Variants in ALG13 observed in about 807,000 individuals in gnomAD.
ALG13 encodes the protein UDP-N-acetylglucosamine transferase subunit ALG13.
Under a neutral mutation model 87.8 loss-of-function variants are expected in ALG13, and 11 were observed. That is an observed-to-expected ratio of 0.13 (90% CI 0.08 to 0.21). The LOEUF (loss-of-function observed/expected upper bound fraction) is 0.21. Ranked by LOEUF, ALG13 falls within the 10% of genes least tolerant of loss-of-function variation. The pLI, the probability that ALG13 is intolerant of heterozygous loss-of-function variation, is 1.00. For missense variants in ALG13, 756 were observed against 866.1 expected, an observed-to-expected ratio of 0.87 and a Z score of 1.60; for synonymous variants, 320 against 306.3, an observed-to-expected ratio of 1.04 and a Z score of -0.47.
intron 6 of ALG13, 114 bp from the exon 7 acceptor site, chrX:111,712,368 TTC>T (rs2148042128): frequency 2.5e-6 from 1 of 406,390 alleles, no homozygotes; most frequent in East Asian, 3.7e-5. Flanking sequence ...TTATAGTGTG[TTC>T]TACAAATTCT....
At position 111,685,117 on chromosome X, in the gene ALG13, T is replaced by C; in HGVS notation, c.383+14T>C. On this transcript the variant is annotated intron_variant, in intron 3 of 26. Coordinates refer to ENST00000394780, the MANE Select transcript of ALG13 (RefSeq NM_001099922.3). ...TTGTACCTGCAGGTATGCTAGAGAC[T>C]GATTATTATTATCTCTTGCCTTAAT... 1 of 1,198,662 alleles carries C rather than the reference T, an allele frequency of 8.3e-7. No individual in the cohort carries two copies. Among genetic ancestry groups the C allele is most frequent in the South Asian group, 1.8e-5 (1 of 54,277 alleles).
At chrX:111,719,473 T>C (rs1014685304) in intron 10 of ALG13, among the ~76,000 whole-genome samples, 2 of 112,523 alleles carry the variant, frequency 1.8e-5, no homozygotes, top group African/African-American at 6.5e-5. Flanking sequence ...GTATTAGTTA[T>C]GTTTTGCTGT....
At chrX:111,741,902 A>G (rs1326520057) in intron 23 of ALG13, among the ~76,000 whole-genome samples, 1 of 111,631 alleles carries the variant, frequency 9.0e-6, no homozygotes, top group Non-Finnish European at 1.9e-5. Context: ...TGGAAATGTT[A>G]ATGTAGACAC....
At chrX:111,757,493 ATT>A (rs75519151) in intron 25 of ALG13, 93 bp from the exon 26 acceptor site, 10,928 of 508,221 alleles carry the variant, frequency 0.022, no homozygotes, top group Non-Finnish European at 0.024. Flanking sequence ...CCCAATTCTT[ATT>A]TTTTTTTTTT....
At chrX:111,735,759 A>G (rs1397672590) in intron 22 of ALG13, among the ~76,000 whole-genome samples, 2 of 111,161 alleles carry the variant, frequency 1.8e-5, no homozygotes, top group East Asian at 5.7e-4. Context: ...CTTTGAATAC[A>G]GTTTCAGAGA....
At chrX:111,681,526 C>T in intron 1 of ALG13, 1 of 979,371 alleles carries the variant, frequency 1.0e-6, no homozygotes, top group Non-Finnish European at 1.3e-6. Context: ...ATTATTCCGG[C>T]CGCTCCTCTC....
intron 25 of ALG13, among the ~76,000 whole-genome samples, chrX:111,756,820 G>C (rs1569523870): frequency 9.0e-6 from 1 of 111,393 alleles, no homozygotes; most frequent in African/African-American, 3.3e-5. Flanking sequence ...AGAGTAATGG[G>C]GTGGGTTTTT....
Position 111,681,194 on chromosome X carries a change from G to A in ALG13, c.-25G>A, listed in dbSNP as rs1035956386. 1.7e-5 allele frequency: 20 copies of A among 1,203,986 alleles called. No individual in the cohort carries two copies. The highest frequency in any genetic ancestry group is 4.6e-4 in the Middle Eastern group (2 of 4,334). ...CAGTTGCGTCATATCCGGCCCTTGC[G>A]ATCAGGGCTTGAGGAACCCGCGCCA... is the stretch of plus-strand genomic sequence containing the variant. On this transcript the variant is annotated 5_prime_UTR_variant, in exon 1 of 27. Coordinates refer to ENST00000394780, the MANE Select transcript of ALG13 (RefSeq NM_001099922.3).
chrX:111,699,906 C>T (rs189892227), intron 3 of ALG13, among the ~76,000 whole-genome samples: 6,388 of 103,493 alleles, frequency 0.062, 471 homozygotes, highest in African/African-American at 0.23. Flanking sequence ...TTTTTTTTTT[C>T]TATTTCGGCA....
At chrX:111,685,323 A>G (rs1934658772) in intron 3 of ALG13, 1 of 358,096 alleles carries the variant, frequency 2.8e-6, no homozygotes. Context: ...TTCTTTGCAT[A>G]TGTGAATATC....
intron 21 of ALG13, among the ~76,000 whole-genome samples, chrX:111,730,911 A>C (rs1233955744): frequency 1.8e-5 from 2 of 112,309 alleles, no homozygotes; most frequent in African/African-American, 6.5e-5. Context: ...TTGCTCAGGT[A>C]CTTAGGCTGA....
intron 3 of ALG13, among the ~76,000 whole-genome samples, chrX:111,703,144 A>G (rs1305105102): frequency 9.1e-6 from 1 of 110,180 alleles, no homozygotes; most frequent in Non-Finnish European, 1.9e-5. Flanking sequence ...CAGTCTCAAT[A>G]TGGATACTCA....
intron 5 of ALG13, among the ~76,000 whole-genome samples, chrX:111,709,999 A>G (rs1458203771): frequency 9.1e-6 from 1 of 109,603 alleles, no homozygotes; most frequent in Non-Finnish European, 1.9e-5. Context: ...GTTTTCATTC[A>G]GTAGGTCTGA....
At position 111,735,131 on chromosome X, in the gene ALG13, C is replaced by T. The variant is rs771372378; in HGVS notation, c.2529+9C>T. ...ACAACTACCCCCAGAAGGTAATCCTCATAGTGTTATTAAGCAGTTACAATG... is the reference window on the plus strand; with the variant it reads ...ACAACTACCCCCAGAAGGTAATCCTTATAGTGTTATTAAGCAGTTACAATG... On this transcript the variant is annotated intron_variant, in intron 22 of 26. Transcript: ENST00000394780. 51 of 1,120,441 alleles carry T rather than the reference C, an allele frequency of 4.6e-5. No individual in the cohort carries two copies. Among genetic ancestry groups the T allele is most frequent in the Non-Finnish European group, 5.7e-5 (47 of 819,413 alleles). The allele number at this position is 1,120,441 out of a possible 1,213,427, so 92.3% of individuals were successfully genotyped here. A position where few individuals can be genotyped will look rare whatever the true frequency, so the allele number is the denominator to read the frequency against.
intron 18 of ALG13, 29 bp downstream of exon 18, chrX:111,727,799 G>A (rs752547781): frequency 8.7e-7 from 1 of 1,144,473 alleles, no homozygotes; most frequent in African/African-American, 1.8e-5. Flanking sequence ...TACTCAAAAA[G>A]CTGTTTACTT....
rs750981888 is a variant in ALG13, at chrX:111,749,009, G to A, written c.2933-3781G>A. On this transcript the variant is annotated intron_variant, in intron 24 of 26. Transcript: ENST00000394780. ...GAGGCCGGAGAATCACTTGAACCCA[G>A]GAGGTGGAGGTTGTACTGAGCCGAG... Among the ~76,000 whole-genome samples, 7 of 110,756 alleles carry A rather than the reference G, an allele frequency of 6.3e-5. No individual in the cohort carries two copies. The South Asian group carries it at 2.7e-3, about 43-fold the overall frequency.
At chrX:111,690,989 A>T (rs1377538566) in intron 3 of ALG13, among the ~76,000 whole-genome samples, 1 of 111,748 alleles carries the variant, frequency 8.9e-6, no homozygotes, top group Non-Finnish European at 1.9e-5. Context: ...CTGAGAAATG[A>T]CACATGGACA....
chrX:111,759,782 A>G lies in ALG13; in HGVS notation c.3197A>G (p.Tyr1066Cys), dbSNP rs1219035683. 1.7e-6 allele frequency: 2 copies of G among 1,206,822 alleles called. No individual in the cohort carries two copies. Among genetic ancestry groups the G allele is most frequent in the Admixed American group, 2.2e-5 (1 of 45,442 alleles). ...DSSSVPHGAV[Y>C]YPVMSDPYGQ... Reference sequence around the variant, plus strand: ...TCATCTGTCCCTCATGGAGCAGTCTATTATCCAGTAATGTCAGATCCCTAT... The same window carrying G: ...TCATCTGTCCCTCATGGAGCAGTCTGTTATCCAGTAATGTCAGATCCCTAT... Residue 1066 changes from tyrosine (Y) to cysteine (C), a missense_variant, in exon 27 of 27, where the codon TAT becomes TGT. By Grantham distance (194) the Tyr-to-Cys change is radical. Coordinates refer to ENST00000394780, the MANE Select transcript of ALG13 (RefSeq NM_001099922.3).
At chrX:111,728,124 C>G in intron 18 of ALG13, 61 bp from the exon 19 acceptor site, 1 of 1,203,615 alleles carries the variant, frequency 8.3e-7, no homozygotes, top group Non-Finnish European at 1.1e-6. Context: ...AAACATCCCT[C>G]TAGCTTTTTT....
Sources: allele counts gnomAD v4.1 joint callset (sites outside exome capture counted in the v4.1 genomes callset), GRCh38; gene constraint gnomAD v4.1.1; transcripts MANE v1.5; gene names NCBI Gene and HGNC (gene_info 2026-07-23, HGNC 2026-07-21).